DPP10: variants seen among roughly 807,000 people sequenced by gnomAD.
DPP10 encodes dipeptidyl peptidase like 10, also known as inactive dipeptidyl peptidase 10.
In DPP10, 33 loss-of-function variants were observed where a neutral mutation model predicts 120.9. That is an observed-to-expected ratio of 0.27 (90% CI 0.21 to 0.37). The LOEUF is 0.37. DPP10 is among the 10% of genes least tolerant of loss of function. DPP10 has a pLI of 1.00. For synonymous variants in DPP10, 337 were observed against 326.1 expected (o/e 1.03, Z -0.36); for missense variants, 816 against 942.8 (o/e 0.87, Z 1.76).
intron 4 of DPP10, among the ~76,000 whole-genome samples, chr2:115,507,573 T>C (rs1204487855): frequency 6.6e-6 from 1 of 152,124 alleles, no homozygotes; most frequent in Non-Finnish European, 1.5e-5. Context: ...TCAAACTATA[T>C]AGATCTATTC....
intron 1 of DPP10, among the ~76,000 whole-genome samples, chr2:115,074,740 T>TA (rs1254143523): frequency 6.6e-6 from 1 of 152,116 alleles, no homozygotes; most frequent in Non-Finnish European, 1.5e-5. Flanking sequence ...GGAGTCAACT[T>TA]ATGTAAATTA....
chr2:115,622,299 C>G (rs2085010908), intron 5 of DPP10, among the ~76,000 whole-genome samples: 1 of 152,086 alleles, frequency 6.6e-6, no homozygotes, highest in Admixed American at 6.6e-5. Flanking sequence ...TCTTTTATAT[C>G]TGGCTTCCTT....
intron 1 of DPP10, among the ~76,000 whole-genome samples, chr2:114,881,549 GTATC>G (rs1339302535): frequency 9.1e-5 from 13 of 142,288 alleles, no homozygotes; most frequent in South Asian, 2.2e-4. Context: ...ATCTATCTAA[GTATC>G]TATCTATGTA....
intron 1 of DPP10, among the ~76,000 whole-genome samples, chr2:114,463,167 G>A (rs1012798933): frequency 3.9e-5 from 6 of 152,054 alleles, no homozygotes; most frequent in Admixed American, 1.3e-4. Context: ...ATCTATATGT[G>A]CATACTAACC....
At chr2:114,992,939 C>T (rs976958133) in intron 1 of DPP10, among the ~76,000 whole-genome samples, 3 of 152,200 alleles carry the variant, frequency 2.0e-5, no homozygotes, top group African/African-American at 7.2e-5. Flanking sequence ...ATGGAAGGGG[C>T]ATGTGACTCC....
intron 1 of DPP10, among the ~76,000 whole-genome samples, chr2:114,664,364 C>T (rs1406941307): frequency 1.3e-5 from 2 of 151,948 alleles, no homozygotes; most frequent in African/African-American, 2.4e-5. Context: ...CGTGGTGGCT[C>T]ATGCCTGTCA....
At chr2:115,169,095 A>G (rs746514841) in intron 1 of DPP10, among the ~76,000 whole-genome samples, 1 of 152,144 alleles carries the variant, frequency 6.6e-6, no homozygotes, top group Non-Finnish European at 1.5e-5. Flanking sequence ...TTTTGGGGAG[A>G]GGCAACGTGA....
chr2:115,643,213 A>G (rs147746853), intron 5 of DPP10, among the ~76,000 whole-genome samples: 2 of 152,058 alleles, frequency 1.3e-5, no homozygotes, highest in East Asian at 3.9e-4. Context: ...TTAGTTTTAT[A>G]TAAACTGTTA....
chr2:115,201,882 A>C (rs2055754507), intron 1 of DPP10, among the ~76,000 whole-genome samples: 1 of 152,184 alleles, frequency 6.6e-6, no homozygotes. Flanking sequence ...TTGAAGAAGG[A>C]AAACATTAGG....
chr2:115,546,430 G>T (rs1342984493), intron 5 of DPP10, among the ~76,000 whole-genome samples: 6 of 152,082 alleles, frequency 3.9e-5, no homozygotes, highest in Admixed American at 2.0e-4. Context: ...TAATCAATGG[G>T]TTCCTTTACA....
At chr2:115,740,132 G>A in intron 9 of DPP10, among the ~76,000 whole-genome samples, 1 of 151,960 alleles carries the variant, frequency 6.6e-6, no homozygotes, top group East Asian at 1.9e-4. Flanking sequence ...TCCTTTTGAT[G>A]CTCACTTTTA....
intron 1 of DPP10, among the ~76,000 whole-genome samples, chr2:115,079,825 C>T (rs1299213208): frequency 6.6e-6 from 1 of 152,132 alleles, no homozygotes; most frequent in East Asian, 1.9e-4. Flanking sequence ...AAAAGGTCAA[C>T]AGAGAAATGG....
intron 1 of DPP10, chr2:115,162,367 C>T: frequency 7.3e-7 from 1 of 1,365,632 alleles, no homozygotes; most frequent in Non-Finnish European, 9.6e-7. Flanking sequence ...CTTGGTTCCC[C>T]ATTAACGCAC....
chr2:115,118,275 T>C lies in DPP10; in HGVS notation c.61-190964T>C, dbSNP rs952212711. Among the ~76,000 whole-genome samples the C allele has an allele frequency of 4.6e-5, 7 of 152,304 alleles. 1 individual carries two copies. Among genetic ancestry groups the C allele is most frequent in the Admixed American group, 3.9e-4 (6 of 15,298 alleles). On this transcript the variant is annotated intron_variant, in intron 1 of 25. Transcript: ENST00000410059. ...ACTATCACTGTAGTCTGAACCAATA[T>C]TATCTTTTACCTAGACCATTTATTT...
chr2:114,566,356 T>TA (rs1248982127), intron 1 of DPP10, among the ~76,000 whole-genome samples: 1 of 152,010 alleles, frequency 6.6e-6, no homozygotes, highest in Non-Finnish European at 1.5e-5. Context: ...TGATCACATT[T>TA]AAAAAAATAA....
intron 1 of DPP10, among the ~76,000 whole-genome samples, chr2:114,453,289 A>G (rs1240644006): frequency 1.3e-5 from 2 of 152,192 alleles, no homozygotes; most frequent in Non-Finnish European, 2.9e-5. Context: ...CTTCCTTTAT[A>G]GCAGAGGCTT....
chr2:114,920,282 G>A (rs1695107776), intron 1 of DPP10, among the ~76,000 whole-genome samples: 4 of 152,070 alleles, frequency 2.6e-5, no homozygotes, highest in Admixed American at 2.6e-4. Flanking sequence ...ATAATTAGTG[G>A]GCTGCTAACC....
intron 3 of DPP10, among the ~76,000 whole-genome samples, chr2:115,410,594 C>A (rs995528909): frequency 6.6e-6 from 1 of 152,136 alleles, no homozygotes; most frequent in Non-Finnish European, 1.5e-5. Flanking sequence ...GTGTAACAAA[C>A]CTGCACATGC....
chr2:115,551,359 GA>G (rs1286490055), intron 5 of DPP10, among the ~76,000 whole-genome samples: 1 of 152,110 alleles, frequency 6.6e-6, no homozygotes, highest in African/African-American at 2.4e-5. Flanking sequence ...TGGGTAGCAA[GA>G]ACTTCCCAAG....
Sources: gnomAD v4.1 joint callset for allele counts (sites outside exome capture counted in the v4.1 genomes callset) on GRCh38, gnomAD v4.1.1 for gene constraint, MANE v1.5 for transcripts, NCBI Gene and HGNC (gene_info 2026-07-23, HGNC 2026-07-21) for gene names.